MACROH2A2: variants seen among roughly 807,000 people sequenced by gnomAD.
The protein encoded by MACROH2A2 is macroH2A.2 histone.
A neutral mutation model predicts 37.6 loss-of-function variants in MACROH2A2; 6 were observed. The ratio of observed to expected loss-of-function variants is 0.16; its 90% CI spans 0.09 to 0.32. The LOEUF (loss-of-function observed/expected upper bound fraction) is 0.32. MACROH2A2 is among the 10% of genes least tolerant of loss of function. MACROH2A2 has a pLI of 1.00. For synonymous variants in MACROH2A2, 192 were observed against 202.7 expected (o/e 0.95, Z 0.45); for missense variants, 290 against 485.9 (o/e 0.60, Z 3.79).
At chr10:70,099,467 T>C (rs1348612179) in intron 6 of MACROH2A2, 1 of 152,094 alleles carries the variant, frequency 6.6e-6, no homozygotes, top group African/African-American at 2.4e-5. Flanking sequence ...GAAAAATGCC[T>C]CCTCTGCTGC....
chr10:70,062,641 G>T (rs1397170398), intron 1 of MACROH2A2, among the ~76,000 whole-genome samples: 1 of 152,128 alleles, frequency 6.6e-6, no homozygotes, highest in East Asian at 1.9e-4. Context: ...CCTTTGTCAA[G>T]GTGATTCATC....
chr10:70,065,046 T>G (rs1048809297), intron 1 of MACROH2A2, among the ~76,000 whole-genome samples: 5 of 150,910 alleles, frequency 3.3e-5, no homozygotes, highest in African/African-American at 1.2e-4. Context: ...TTTTTTTTTT[T>G]GAGACAGAGT....
intron 1 of MACROH2A2, among the ~76,000 whole-genome samples, chr10:70,063,818 T>C (rs1302491570): frequency 6.6e-6 from 1 of 152,004 alleles, no homozygotes; most frequent in Admixed American, 6.6e-5. Flanking sequence ...AGACGGGAGA[T>C]TGCAAGAAAT....
intron 5 of MACROH2A2, among the ~76,000 whole-genome samples, chr10:70,095,406 G>C (rs1327469753): frequency 2.0e-5 from 3 of 151,526 alleles, no homozygotes; most frequent in African/African-American, 7.3e-5. Flanking sequence ...CCCTGTTCCT[G>C]TTCCAGGGAA....
intron 2 of MACROH2A2, among the ~76,000 whole-genome samples, chr10:70,078,181 C>T (rs1384261826): frequency 4.6e-5 from 7 of 152,190 alleles, no homozygotes; most frequent in East Asian, 3.8e-4. Context: ...TCTTCCTGTT[C>T]GTTCATCCAT....
At chr10:70,086,424 C>G (rs1367872382) in intron 2 of MACROH2A2, among the ~76,000 whole-genome samples, 1 of 152,148 alleles carries the variant, frequency 6.6e-6, no homozygotes, top group Non-Finnish European at 1.5e-5. Flanking sequence ...CATCTGCATT[C>G]CCTGAATTGT....
At chr10:70,102,458 C>G (rs781413653) in intron 7 of MACROH2A2, among the ~76,000 whole-genome samples, 1 of 152,120 alleles carries the variant, frequency 6.6e-6, no homozygotes, top group African/African-American at 2.4e-5. Context: ...GTGGCTCATG[C>G]GTGTAATCCC....
intron 1 of MACROH2A2, among the ~76,000 whole-genome samples, chr10:70,071,040 C>T (rs751824055): frequency 2.7e-5 from 4 of 150,636 alleles, no homozygotes; most frequent in South Asian, 4.2e-4. Context: ...TGCGTGTGCA[C>T]GTGCATGCGT....
chr10:70,056,551 C>T lies in MACROH2A2; in HGVS notation c.-60+3551C>T, dbSNP rs182487591. ...ATGATAATACATAATTAATACATAA[C>T]GATATACACAAAAAATTTACTACAG... On this transcript the variant is annotated intron_variant, in intron 1 of 8. Coordinates refer to ENST00000373255, the MANE Select transcript of MACROH2A2 (RefSeq NM_018649.3). Among the ~76,000 whole-genome samples the T allele has an allele frequency of 1.3e-3, 203 of 152,132 alleles. 1 individual carries two copies. The highest frequency in any genetic ancestry group is 4.8e-3 in the African/African-American group (198 of 41,482).
At chr10:70,067,264 A>C (rs10823476) in intron 1 of MACROH2A2, among the ~76,000 whole-genome samples, 6,336 of 152,320 alleles carry the variant, frequency 0.042, 426 homozygotes, top group East Asian at 0.24. Flanking sequence ...TATAGAACAT[A>C]ACTACCCCAC....
At chr10:70,096,346 A>G (rs1035485668) in intron 6 of MACROH2A2, among the ~76,000 whole-genome samples, 3 of 152,202 alleles carry the variant, frequency 2.0e-5, no homozygotes, top group African/African-American at 7.2e-5. Flanking sequence ...CATTTGGGGT[A>G]GTTTCCAGTT....
intron 2 of MACROH2A2, among the ~76,000 whole-genome samples, chr10:70,080,747 T>C (rs796687961): frequency 1.3e-5 from 2 of 151,650 alleles, no homozygotes; most frequent in African/African-American, 4.8e-5. Flanking sequence ...CCGGGCATGG[T>C]GGTGCATGCC....
chr10:70,086,760 A>G (rs927689554), intron 2 of MACROH2A2, among the ~76,000 whole-genome samples: 1 of 152,172 alleles, frequency 6.6e-6, no homozygotes, highest in Non-Finnish European at 1.5e-5. Context: ...CCCCAGACCC[A>G]TCTAGAAAAA....
intron 1 of MACROH2A2, among the ~76,000 whole-genome samples, chr10:70,063,099 C>CA (rs201780041): frequency 0.044 from 6,323 of 142,312 alleles, 416 homozygotes; most frequent in East Asian, 0.25. Context: ...CCACAGTTTA[C>CA]AAAAAAAAAA....
Position 70,107,156 on chromosome 10 carries a change from C to A in MACROH2A2, c.779-1877C>A, listed in dbSNP as rs976646653. On this transcript the variant is annotated intron_variant, in intron 7 of 8. Transcript: ENST00000373255. The surrounding 1 kb of genome is among the most constrained non-coding windows in gnomAD (Gnocchi z 4.4). ...GTGTGGCCTGGGTCCTGCACTCAGG[C>A]GTTCACGTGTGATGACACTGAGCCC... Among the ~76,000 whole-genome samples the A allele has an allele frequency of 6.6e-6, 1 of 152,180 alleles. No individual in the cohort carries two copies. Among genetic ancestry groups the A allele is most frequent in the Admixed American group, 6.5e-5 (1 of 15,282 alleles).
intron 1 of MACROH2A2, among the ~76,000 whole-genome samples, chr10:70,074,419 C>G (rs2072128358): frequency 6.6e-6 from 1 of 152,214 alleles, no homozygotes. Context: ...TTCAGTAAAA[C>G]TGCCTCTTCT....
chr10:70,085,150 A>C (rs2072203275), intron 2 of MACROH2A2, among the ~76,000 whole-genome samples: 1 of 152,146 alleles, frequency 6.6e-6, no homozygotes, highest in Non-Finnish European at 1.5e-5. Flanking sequence ...AAGGATAGGG[A>C]ATCACTCCTA....
At chr10:70,068,446 A>T (rs1466669551) in intron 1 of MACROH2A2, among the ~76,000 whole-genome samples, 2 of 152,240 alleles carry the variant, frequency 1.3e-5, no homozygotes, top group African/African-American at 4.8e-5. Context: ...AAAAGGAAAA[A>T]GTATTCTTAT....
intron 1 of MACROH2A2, among the ~76,000 whole-genome samples, chr10:70,059,212 T>G (rs2072035906): frequency 6.6e-6 from 1 of 151,852 alleles, no homozygotes; most frequent in South Asian, 2.1e-4. Context: ...ACCTCAGAGG[T>G]GAGCTGGTGC....
Sources: allele counts gnomAD v4.1 joint callset (sites outside exome capture counted in the v4.1 genomes callset), GRCh38; gene constraint gnomAD v4.1.1; non-coding constraint Gnocchi (gnomAD v3.1); transcripts MANE v1.5; gene names NCBI Gene and HGNC (gene_info 2026-07-23, HGNC 2026-07-21).